MAGED2: variants seen among roughly 807,000 people sequenced by gnomAD.
The protein encoded by MAGED2 is MAGE family member D2.
MAGED2 carries 6 observed loss-of-function variants against 41.7 expected under a neutral mutation model. The ratio of observed to expected loss-of-function variants is 0.14; its 90% CI spans 0.08 to 0.28. The LOEUF (loss-of-function observed/expected upper bound fraction) is 0.28. Among genes scored for constraint, MAGED2 ranks in the 10% least tolerant of loss-of-function variants. The probability of loss-of-function intolerance (pLI) is 1.00; values close to 1 mark genes in which losing one functional copy is unlikely to be tolerated. For missense variants in MAGED2, 343 were observed against 486.4 expected (o/e 0.71, Z 2.77); for synonymous variants, 146 against 178.2 (o/e 0.82, Z 1.44).
chrX:54,811,686 G>A (rs775226030), intron 6 of MAGED2, 33 bp downstream of exon 6: 40 of 1,078,380 alleles, frequency 3.7e-5, no homozygotes, highest in Admixed American at 1.3e-4. Context: ...TGGGCACAGT[G>A]GGGAAGCCTT....
At position 54,815,517 on chromosome X, in the gene MAGED2, T is replaced by C. The variant is rs1219953311; in HGVS notation, c.1656T>C (p.Ser552=). 8.4e-7 allele frequency: 1 copy of C among 1,189,545 alleles called. No homozygotes were observed. The highest frequency in any genetic ancestry group is 1.8e-5 in the South Asian group (1 of 54,502). ...QESGSASTGA[S]TSTNNSASAS... Reference sequence around the variant, plus strand: ...GTGGCAGTGCCAGCACTGGTGCCAGTACCAGTACCAATAACAGTGCCAGTG... The same window carrying C: ...GTGGCAGTGCCAGCACTGGTGCCAGCACCAGTACCAATAACAGTGCCAGTG... Residue 552 remains serine, a synonymous_variant, in exon 12 of 13, where the codon AGT becomes AGC. Coordinates refer to ENST00000375068, the MANE Select transcript of MAGED2 (RefSeq NM_177433.3).
At chrX:54,814,233 A>C in intron 10 of MAGED2, 1 of 295,539 alleles carries the variant, frequency 3.4e-6, no homozygotes, top group Non-Finnish European at 6.5e-6. Flanking sequence ...TGCACACAGA[A>C]ACACACACAA....
Position 54,814,695 on chromosome X carries a change from C to A in MAGED2, c.1306C>A (p.Pro436Thr). 8.3e-7 allele frequency: 1 copy of A among 1,209,440 alleles called. No individual in the cohort carries two copies. Among genetic ancestry groups the A allele is most frequent in the Non-Finnish European group, 1.1e-6 (1 of 893,281 alleles). The change falls in exon 11 of 13, where the codon CCC (proline) becomes ACC (threonine). Residue 436 changes from proline to threonine, a missense_variant. By Grantham distance (38) the Pro-to-Thr change is conservative. This residue lies in a region of MAGED2 where 95 missense variants were observed against 204.8 expected (regional missense o/e 0.46). Transcript: ENST00000375068. ...LDYARVPNSN[P>T]PEYEFFWGLR... Reference sequence around the variant, plus strand: ...CTATGCCAGAGTCCCCAATAGCAATCCCCCTGAATATGAGTTCTTCTGGGG... The same window carrying A: ...CTATGCCAGAGTCCCCAATAGCAATACCCCTGAATATGAGTTCTTCTGGGG...
intron 3 of MAGED2, 36 bp from the exon 4 acceptor site, chrX:54,810,785 A>G: frequency 8.9e-7 from 1 of 1,118,465 alleles, no homozygotes; most frequent in Non-Finnish European, 1.2e-6. Flanking sequence ...CACTTGCTTC[A>G]TCTGGTGACG....
At chrX:54,808,972 C>A (rs189862040) in intron 1 of MAGED2, 54 of 295,829 alleles carry the variant, frequency 1.8e-4, no homozygotes, top group Non-Finnish European at 2.9e-4. Flanking sequence ...AGAAAGGGCT[C>A]GTGCTGGGAA....
At position 54,815,952 on chromosome X, in the gene MAGED2, C is replaced by G. The variant is rs1457992334; in HGVS notation, c.*80C>G. On this transcript the variant is annotated 3_prime_UTR_variant, in exon 13 of 13. Coordinates refer to ENST00000375068, the MANE Select transcript of MAGED2 (RefSeq NM_177433.3). ...TCAGAAACCTACTCAACACAGCACT[C>G]TAGGCAGCCACTATCAATCAATTGA... 7 of 313,391 alleles carry G rather than the reference C, an allele frequency of 2.2e-5. 1 individual carries two copies. Among genetic ancestry groups the G allele is most frequent in the African/African-American group, 1.9e-4 (7 of 37,784 alleles). 25.8% of individuals were successfully genotyped at this position (313,391 alleles called of 1,213,427 possible).
At chrX:54,814,442 C>T in intron 10 of MAGED2, 1 of 529,615 alleles carries the variant, frequency 1.9e-6, no homozygotes, top group South Asian at 2.3e-5. Flanking sequence ...AATCTGGGGT[C>T]ATTGTGATGA....
At chrX:54,810,787 CTGG>C in intron 3 of MAGED2, 31 bp from the exon 4 acceptor site, 1 of 1,119,713 alleles carries the variant, frequency 8.9e-7, no homozygotes, top group Non-Finnish European at 1.2e-6. Context: ...CTTGCTTCAT[CTGG>C]TGACGTTGAG....
At chrX:54,811,674 G>T in intron 6 of MAGED2, 21 bp downstream of exon 6, 1 of 1,135,149 alleles carries the variant, frequency 8.8e-7, no homozygotes, top group East Asian at 3.0e-5. Context: ...AGCCCTGGGG[G>T]ATGGGCACAG....
At position 54,814,727 on chromosome X, in the gene MAGED2, C is replaced by T. The variant is rs1350289046; in HGVS notation, c.1338C>T (p.Arg446=). ...PPEYEFFWGL[R]SYYETSKMKV... ...AATATGAGTTCTTCTGGGGCCTGCG[C>T]TCTTACTATGAGACCAGCAAGATGA... Residue 446 remains arginine (R), a synonymous_variant, in exon 11 of 13, where the codon CGC becomes CGT. Coordinates refer to ENST00000375068, the MANE Select transcript of MAGED2 (RefSeq NM_177433.3). 6 of 1,209,898 alleles carry T rather than the reference C, an allele frequency of 5.0e-6. No homozygotes were observed. The highest frequency in any genetic ancestry group is 6.7e-6 in the Non-Finnish European group (6 of 894,907).
At chrX:54,809,509 C>T in intron 2 of MAGED2, 133 bp downstream of exon 2, 2 of 881,139 alleles carry the variant, frequency 2.3e-6, no homozygotes, top group Non-Finnish European at 3.3e-6. Flanking sequence ...GTCCCCCTGC[C>T]CAGTGGAGGG....
intron 1 of MAGED2, chrX:54,808,298 G>C (rs1929676492): frequency 9.0e-6 from 1 of 111,252 alleles, no homozygotes; most frequent in African/African-American, 3.3e-5. Context: ...GGGAGGGGCA[G>C]ACAGGCTGGG....
intron 10 of MAGED2, 55 bp from the exon 11 acceptor site, chrX:54,814,606 A>T: frequency 1.3e-6 from 1 of 745,674 alleles, no homozygotes; most frequent in South Asian, 2.1e-5. Flanking sequence ...CAGTCTATGC[A>T]TGGGTAGGCC....
intron 10 of MAGED2, among the ~76,000 whole-genome samples, chrX:54,814,042 C>T (rs1050625107): frequency 8.9e-6 from 1 of 112,237 alleles, no homozygotes; most frequent in African/African-American, 3.2e-5. Flanking sequence ...TCATAACTAC[C>T]CTGCAGCTGT....
At chrX:54,814,475 C>G in intron 10 of MAGED2, 186 bp from the exon 11 acceptor site, 1 of 545,079 alleles carries the variant, frequency 1.8e-6, no homozygotes, top group South Asian at 2.3e-5. Flanking sequence ...TGTGGCTTCC[C>G]TATGAACAAA....
chrX:54,813,899 A>G (rs747622447), intron 10 of MAGED2, among the ~76,000 whole-genome samples: 1 of 112,512 alleles, frequency 8.9e-6, no homozygotes, highest in African/African-American at 3.2e-5. Flanking sequence ...CTTGGCTCCA[A>G]AGCCTTAGTT....
At chrX:54,808,991 GGGCTGAGAGC>G (rs1929708929) in intron 1 of MAGED2, 2 of 316,859 alleles carry the variant, frequency 6.3e-6, no homozygotes, top group African/African-American at 5.3e-5. Context: ...AAAGCGGGCG[GGGCTGAGAGC>G]GGCCCTGCAG....
chrX:54,815,045 GATGGA>G, intron 11 of MAGED2, among the ~76,000 whole-genome samples, 198 bp from the exon 12 acceptor site: 1 of 112,029 alleles, frequency 8.9e-6, no homozygotes, highest in Non-Finnish European at 1.9e-5. Flanking sequence ...TCAGAGCAGG[GATGGA>G]ATATTAGGTG....
chrX:54,811,743 C>A, intron 6 of MAGED2, 90 bp downstream of exon 6: 1 of 655,354 alleles, frequency 1.5e-6, no homozygotes, highest in Non-Finnish European at 2.4e-6. Flanking sequence ...CCAAAGAGAC[C>A]TGCTAATCCA....
Sources: allele counts gnomAD v4.1 joint callset (sites outside exome capture counted in the v4.1 genomes callset), GRCh38; gene constraint gnomAD v4.1.1; regional missense constraint gnomAD v4.1.1; transcripts MANE v1.5; gene names NCBI Gene and HGNC (gene_info 2026-07-23, HGNC 2026-07-21).